The following PCBD2 variants were observed in gnomAD, a reference collection of about 807,000 sequenced individuals.
The protein encoded by PCBD2 is pterin-4-alpha-carbinolamine dehydratase 2.
In PCBD2, 12 loss-of-function variants were observed where a neutral mutation model predicts 16.4. That is an observed-to-expected ratio of 0.73 (90% confidence interval 0.47 to 1.19). The LOEUF (loss-of-function observed/expected upper bound fraction) is 1.19, where lower values mean the gene tolerates loss of function less well. PCBD2 is among the 50% of genes most tolerant of loss of function. PCBD2 has a pLI of 0.00. For missense variants in PCBD2, 138 were observed against 156.8 expected, an observed-to-expected ratio of 0.88 and a Z score of 0.64; for synonymous variants, 58 against 61.8, an observed-to-expected ratio of 0.94 and a Z score of 0.29.
intron 2 of PCBD2, among the ~76,000 whole-genome samples, chr5:134,933,478 C>T (rs1486626988): frequency 1.3e-5 from 2 of 152,160 alleles, no homozygotes; most frequent in Non-Finnish European, 2.9e-5. Flanking sequence ...TCAAGCAGTC[C>T]ACCCACCTCA....
intron 2 of PCBD2, among the ~76,000 whole-genome samples, chr5:134,955,070 G>T (rs1751399512): frequency 6.6e-6 from 1 of 151,612 alleles, no homozygotes; most frequent in East Asian, 1.9e-4. Flanking sequence ...TTGATGAATT[G>T]ATCTTTTTGA....
rs1751479799 is a variant in PCBD2 at position 134,961,755 on chromosome 5, A to G, written c.*1074A>G. On this transcript the variant is annotated 3_prime_UTR_variant, in exon 4 of 4. Coordinates refer to ENST00000254908, the MANE Select transcript of PCBD2 (RefSeq NM_032151.5). Reference sequence around the variant, plus strand: ...TAGTGAGTTTTAACTTTAAATAACAATTCTTCTTTTGTTTTGTTTTGTTTG... The same window carrying G: ...TAGTGAGTTTTAACTTTAAATAACAGTTCTTCTTTTGTTTTGTTTTGTTTG... Among the ~76,000 whole-genome samples, 2 of 151,850 alleles carry G rather than the reference A, an allele frequency of 1.3e-5. No homozygotes were observed. The highest frequency in any genetic ancestry group is 2.9e-5 in the Non-Finnish European group (2 of 67,956).
intron 2 of PCBD2, chr5:134,926,681 A>G (rs77099095): frequency 2.5e-6 from 1 of 396,910 alleles, no homozygotes; most frequent in East Asian, 3.6e-5. Context: ...CGGTAATGAT[A>G]TCGGGGTTGA....
intron 2 of PCBD2, among the ~76,000 whole-genome samples, chr5:134,939,297 G>A (rs1267217338): frequency 6.6e-6 from 1 of 150,408 alleles, no homozygotes; most frequent in East Asian, 1.9e-4. Flanking sequence ...ACAAGCTCAT[G>A]TTAATGTAGT....
At chr5:134,949,703 G>A (rs572679216) in intron 2 of PCBD2, among the ~76,000 whole-genome samples, 1 of 152,302 alleles carries the variant, frequency 6.6e-6, no homozygotes, top group Non-Finnish European at 1.5e-5. Flanking sequence ...ACAGTTAACA[G>A]TGTTCCACGT....
At chr5:134,954,097 A>G (rs1751389239) in intron 2 of PCBD2, among the ~76,000 whole-genome samples, 2 of 152,154 alleles carry the variant, frequency 1.3e-5, no homozygotes, top group East Asian at 3.9e-4. Flanking sequence ...AGCTAGGACT[A>G]CAGGTGCATG....
At chr5:134,948,314 T>A (rs1329003045) in intron 2 of PCBD2, among the ~76,000 whole-genome samples, 2 of 152,240 alleles carry the variant, frequency 1.3e-5, no homozygotes, top group African/African-American at 4.8e-5. Context: ...AAGATACTCA[T>A]AGCTAGTGAT....
chr5:134,923,675 T>C, intron 2 of PCBD2: 1 of 379,270 alleles, frequency 2.6e-6, no homozygotes, highest in Admixed American at 4.5e-5. Context: ...TGAAGGCTGT[T>C]GCTATAGTTG....
chr5:134,932,777 C>T (rs1751114178), intron 2 of PCBD2, among the ~76,000 whole-genome samples: 1 of 152,150 alleles, frequency 6.6e-6, no homozygotes, highest in Non-Finnish European at 1.5e-5. Flanking sequence ...AGTCACCACA[C>T]CTGGCCAATT....
At chr5:134,950,402 C>G (rs1751346290) in intron 2 of PCBD2, among the ~76,000 whole-genome samples, 1 of 152,148 alleles carries the variant, frequency 6.6e-6, no homozygotes, top group Admixed American at 6.5e-5. Flanking sequence ...TAAGTATGTG[C>G]TAGAAGTCTT....
intron 2 of PCBD2, among the ~76,000 whole-genome samples, chr5:134,917,026 A>G (rs559124753): frequency 6.6e-6 from 1 of 152,346 alleles, no homozygotes; most frequent in South Asian, 2.1e-4. Flanking sequence ...GAGGTCTGCA[A>G]GTGACATATA....
chr5:134,930,155 A>C (rs1392560746), intron 2 of PCBD2, among the ~76,000 whole-genome samples: 1 of 152,204 alleles, frequency 6.6e-6, no homozygotes, highest in East Asian at 1.9e-4. Flanking sequence ...AATGCAACTT[A>C]GATTATGAAC....
chr5:134,917,509 C>T lies in PCBD2; in HGVS notation c.216+7043C>T, dbSNP rs1750848385. On this transcript the variant is annotated intron_variant, in intron 2 of 3. Coordinates refer to ENST00000254908, the MANE Select transcript of PCBD2 (RefSeq NM_032151.5). Reference sequence around the variant, plus strand: ...AGGGACCAAGCTTTGTGAGAATCAGCGGTGGTTCTCTGCGGAGGAGCTCCT... The same window carrying T: ...AGGGACCAAGCTTTGTGAGAATCAGTGGTGGTTCTCTGCGGAGGAGCTCCT... 2.6e-5 allele frequency among the ~76,000 whole-genome samples: 4 copies of T among 152,028 alleles called. No individual in the cohort carries two copies. The South Asian group carries it at 6.2e-4, about 24-fold the overall frequency.
intron 2 of PCBD2, among the ~76,000 whole-genome samples, chr5:134,929,544 A>G (rs777821701): frequency 1.1e-4 from 16 of 152,122 alleles, no homozygotes; most frequent in Non-Finnish European, 2.1e-4. Flanking sequence ...TGGGTGGGGC[A>G]CAGGACAGCC....
intron 2 of PCBD2, among the ~76,000 whole-genome samples, chr5:134,930,059 T>C (rs1751074631): frequency 6.6e-6 from 1 of 152,162 alleles, no homozygotes; most frequent in African/African-American, 2.4e-5. Context: ...ATATTAGAGC[T>C]AGAAAGGATG....
At position 134,911,814 on chromosome 5, in the gene PCBD2, G is replaced by A. The variant is rs574790520; in HGVS notation, c.216+1348G>A. Among the ~76,000 whole-genome samples the A allele has an allele frequency of 2.2e-4, 33 of 152,294 alleles. No individual in the cohort carries two copies. In the South Asian group the frequency reaches 5.4e-3, roughly 25 times the overall value. On this transcript the variant is annotated intron_variant, in intron 2 of 3. Transcript: ENST00000254908. ...TGGACCAAGCAGACTCCCTGTCCCC[G>A]CTGCCCCACGTGCTCAACAGCTCTT...
intron 2 of PCBD2, chr5:134,923,795 A>G (rs1309549405): frequency 2.5e-6 from 1 of 393,608 alleles, no homozygotes; most frequent in African/African-American, 2.1e-5. Flanking sequence ...TTGAGGCGCC[A>G]TTGGCGTGAA....
intron 2 of PCBD2, among the ~76,000 whole-genome samples, chr5:134,914,820 C>T (rs1037244614): frequency 2.6e-5 from 4 of 151,996 alleles, no homozygotes; most frequent in South Asian, 2.1e-4. Flanking sequence ...TACAGGCGCC[C>T]GCCATCATGC....
intron 2 of PCBD2, chr5:134,923,738 G>A (rs566354482): frequency 4.4e-4 from 171 of 390,314 alleles, no homozygotes; most frequent in African/African-American, 3.0e-3. Context: ...GAAATGAGCC[G>A]TAATATAGGC....
Sources: gnomAD v4.1 joint callset for allele counts (sites outside exome capture counted in the v4.1 genomes callset) on GRCh38, gnomAD v4.1.1 for gene constraint, MANE v1.5 for transcripts, NCBI Gene and HGNC (gene_info 2026-07-23, HGNC 2026-07-21) for gene names.